SDK1: variants seen among roughly 807,000 people sequenced by gnomAD.
The protein encoded by SDK1 is protein sidekick-1.
A neutral mutation model predicts 245.5 loss-of-function variants in SDK1; 157 were observed. The observed-to-expected ratio is 0.64, with a 90% confidence interval of 0.56 to 0.73. The LOEUF (loss-of-function observed/expected upper bound fraction) is 0.73, where lower values mean the gene tolerates loss of function less well. Ranked by LOEUF, SDK1 falls within the 30% of genes least tolerant of loss-of-function variation. SDK1 has a pLI of 0.00. For missense variants in SDK1, 3,583 were observed against 3,002.3 expected (o/e 1.19, Z -4.52); for synonymous variants, 1,647 against 1,278.5 (o/e 1.29, Z -6.15).
intron 1 of SDK1, among the ~76,000 whole-genome samples, chr7:3,550,837 T>A (rs1779379708): frequency 6.6e-6 from 1 of 152,220 alleles, no homozygotes; most frequent in Non-Finnish European, 1.5e-5. Context: ...CTAGAAAATG[T>A]TTTTACTGTA....
chr7:4,245,753 T>A lies in SDK1; in HGVS notation c.6329T>A (p.Leu2110Gln), dbSNP rs1786809745. The A allele has an allele frequency of 1.2e-6, 2 of 1,613,910 alleles. No homozygotes were observed. The highest frequency in any genetic ancestry group is 1.3e-5 in the African/African-American group (1 of 74,928). Residue 2110 changes from leucine to glutamine, a missense_variant, in exon 44 of 45, where the codon CTG becomes CAG. Transcript: ENST00000404826. Reference protein sequence around the residue: ...DICNKYNGAVLTESVSLKEKS... With the variant: ...DICNKYNGAVQTESVSLKEKS... ...TGCAACAAGTACAACGGCGCCGTGC[T>A]GACCGAGAGCGTGAGCCTCAAGGAG... is the stretch of plus-strand genomic sequence containing the variant.
At chr7:3,773,774 C>T (rs1224140604) in intron 4 of SDK1, among the ~76,000 whole-genome samples, 1 of 152,120 alleles carries the variant, frequency 6.6e-6, no homozygotes, top group Admixed American at 6.5e-5. Context: ...TTAAGTTCTT[C>T]TCAGGTCTTT....
intron 11 of SDK1, among the ~76,000 whole-genome samples, chr7:3,970,762 T>A (rs1782430101): frequency 6.6e-6 from 1 of 152,220 alleles, no homozygotes. Context: ...TTCCCTGCCA[T>A]AGCCAGGAAA....
At chr7:3,732,528 C>A (rs547533512) in intron 4 of SDK1, among the ~76,000 whole-genome samples, 5 of 152,194 alleles carry the variant, frequency 3.3e-5, no homozygotes, top group Non-Finnish European at 7.3e-5. Flanking sequence ...TTATTTCTTT[C>A]ACATATTTCC....
chr7:3,870,662 A>C (rs1780933757), intron 5 of SDK1, among the ~76,000 whole-genome samples: 1 of 152,224 alleles, frequency 6.6e-6, no homozygotes, highest in Admixed American at 6.5e-5. Flanking sequence ...CCCTTCTTTC[A>C]GTTTCCTGTA....
rs747257741 is a variant in SDK1, at chr7:4,051,654, C to A, written c.2735C>A (p.Ala912Glu). The A allele has an allele frequency of 3.1e-6, 5 of 1,611,134 alleles. No individual in the cohort carries two copies. Among genetic ancestry groups the A allele is most frequent in the Non-Finnish European group, 3.4e-6 (4 of 1,178,802 alleles). The change falls in exon 19 of 45, where the codon GCA (alanine) becomes GAA (glutamate). Residue 912 changes from alanine to glutamate, a missense_variant. Coordinates refer to ENST00000404826, the MANE Select transcript of SDK1 (RefSeq NM_152744.4). The stretch of plus-strand genomic sequence containing the variant: ...CCATCTCAGCTTCTGGCATGGCCGG[C>A]AGATGCCCCCGAGGCTGTCACTGTG... ...NQGYKLLAWP[A>E]DAPEAVTVVT... is the part of the protein sequence containing the mutation.
intron 5 of SDK1, among the ~76,000 whole-genome samples, chr7:3,829,219 G>A (rs964167114): frequency 7.9e-5 from 12 of 152,136 alleles, no homozygotes; most frequent in African/African-American, 2.7e-4. Flanking sequence ...GTAGATGTCA[G>A]CTTAAAATGT....
chr7:3,463,084 T>G (rs1780882943), intron 1 of SDK1, among the ~76,000 whole-genome samples: 1 of 152,148 alleles, frequency 6.6e-6, no homozygotes, highest in African/African-American at 2.4e-5. Flanking sequence ...TTGCCCTTCC[T>G]TCATCAACTT....
chr7:4,008,078 T>G (rs1447945668), intron 14 of SDK1, among the ~76,000 whole-genome samples: 4 of 152,210 alleles, frequency 2.6e-5, no homozygotes, highest in Admixed American at 2.6e-4. Flanking sequence ...CCCTTTCCCC[T>G]GCTCCTCCTA....
At chr7:3,960,441 A>G (rs1326759181) in intron 8 of SDK1, among the ~76,000 whole-genome samples, 1 of 152,244 alleles carries the variant, frequency 6.6e-6, no homozygotes, top group East Asian at 1.9e-4. Context: ...CCATTTGTCC[A>G]TACCTGCAAC....
chr7:3,738,987 C>T, intron 4 of SDK1, among the ~76,000 whole-genome samples: 1 of 151,134 alleles, frequency 6.6e-6, no homozygotes. Flanking sequence ...AAAATATTTC[C>T]TTATTTTTTT....
chr7:3,753,720 A>C (rs1243699361), intron 4 of SDK1, among the ~76,000 whole-genome samples: 1 of 152,182 alleles, frequency 6.6e-6, no homozygotes, highest in African/African-American at 2.4e-5. Context: ...AATGAAATGC[A>C]TGAAGTGACA....
rs1429438797 is a variant in SDK1, at chr7:4,074,906, ATATATATATATT to A, written c.3011-2090_3011-2079del. The stretch of plus-strand genomic sequence containing the variant: ...TCTCTGTATATATATATATATATAT[ATATATATATATT>A]TTTTTTTTTTTTTAATAAAGTTAGG... On this transcript the variant is annotated intron_variant, in intron 20 of 44. Transcript: ENST00000404826. Among the ~76,000 whole-genome samples the A allele has an allele frequency of 5.7e-5, 4 of 69,690 alleles. 1 individual carries two copies. The highest frequency in any genetic ancestry group is 4.4e-4 in the African/African-American group (4 of 9,044). 45.7% of individuals were successfully genotyped at this position (69,690 alleles called of 152,430 possible).
intron 5 of SDK1, among the ~76,000 whole-genome samples, chr7:3,824,581 G>A (rs966543505): frequency 1.3e-5 from 2 of 152,072 alleles, no homozygotes; most frequent in Non-Finnish European, 2.9e-5. Flanking sequence ...AGAGTGGAGC[G>A]GCAACCAGGT....
intron 1 of SDK1, among the ~76,000 whole-genome samples, chr7:3,613,005 G>T (rs1781651169): frequency 6.6e-6 from 1 of 152,058 alleles, no homozygotes; most frequent in Non-Finnish European, 1.5e-5. Context: ...GGAGAAAAGG[G>T]CAAATTATCA....
intron 22 of SDK1, among the ~76,000 whole-genome samples, chr7:4,095,326 T>C (rs144001916): frequency 1.4e-3 from 164 of 121,256 alleles, no homozygotes; most frequent in African/African-American, 3.1e-3. Flanking sequence ...AGCTCCCCCA[T>C]ATCTGAGCTC....
intron 1 of SDK1, among the ~76,000 whole-genome samples, chr7:3,483,713 C>G (rs1024822460): frequency 6.6e-6 from 1 of 152,150 alleles, no homozygotes; most frequent in South Asian, 2.1e-4. Flanking sequence ...ATTTGCTAAG[C>G]ATTTTTGTTA....
chr7:4,085,600 G>T, intron 22 of SDK1, among the ~76,000 whole-genome samples: 1 of 152,046 alleles, frequency 6.6e-6, no homozygotes, highest in Admixed American at 6.5e-5. Context: ...TGTCACCGAG[G>T]CTGGAGTGCA....
chr7:3,961,990 A>AAC (rs139449814), intron 8 of SDK1, among the ~76,000 whole-genome samples: 1 of 151,776 alleles, frequency 6.6e-6, no homozygotes, highest in South Asian at 2.1e-4. Flanking sequence ...TATATGCACA[A>AAC]ACACACACAC....
Sources: allele counts gnomAD v4.1 joint callset (sites outside exome capture counted in the v4.1 genomes callset), GRCh38; gene constraint gnomAD v4.1.1; transcripts MANE v1.5; gene names NCBI Gene and HGNC (gene_info 2026-07-23, HGNC 2026-07-21).